The following FCHSD2 variants were observed in gnomAD, a reference collection of about 807,000 sequenced individuals.
FCHSD2 encodes F-BAR and double SH3 domains protein 2.
In FCHSD2, 38 loss-of-function variants were observed where a neutral mutation model predicts 108.1. The ratio of observed to expected loss-of-function variants is 0.35; its 90% CI spans 0.27 to 0.46. The LOEUF (loss-of-function observed/expected upper bound fraction) is 0.46, where lower values mean the gene tolerates loss of function less well. FCHSD2 is among the 20% of genes least tolerant of loss of function. The pLI, the probability that FCHSD2 is intolerant of heterozygous loss-of-function variation, is 1.00. For missense variants in FCHSD2, 751 were observed against 897.8 expected (o/e 0.84, Z 2.09); for synonymous variants, 279 against 314.7 (o/e 0.89, Z 1.20).
chr11:72,887,789 A>C (rs1301640862), intron 11 of FCHSD2, among the ~76,000 whole-genome samples: 1 of 152,194 alleles, frequency 6.6e-6, no homozygotes, highest in Non-Finnish European at 1.5e-5. Context: ...AGGACCAGCC[A>C]CTATCTGATT....
chr11:73,111,442 C>A, intron 2 of FCHSD2, among the ~76,000 whole-genome samples: 1 of 149,542 alleles, frequency 6.7e-6, no homozygotes, highest in East Asian at 1.9e-4. Context: ...CTTCCATTAG[C>A]ATGGAATATC....
At chr11:72,889,736 T>A (rs143461020) in intron 11 of FCHSD2, 93 bp downstream of exon 11, 1 of 715,366 alleles carries the variant, frequency 1.4e-6, no homozygotes, top group African/African-American at 1.8e-5. Flanking sequence ...ACAACACATA[T>A]AGGATATTTT....
intron 2 of FCHSD2, among the ~76,000 whole-genome samples, chr11:73,132,763 G>T (rs557141819): frequency 6.7e-6 from 1 of 148,286 alleles, no homozygotes; most frequent in South Asian, 2.2e-4. Context: ...GGTGGAGATT[G>T]CAGTGAGCCA....
At chr11:73,126,245 C>T (rs575035243) in intron 2 of FCHSD2, among the ~76,000 whole-genome samples, 1 of 143,780 alleles carries the variant, frequency 7.0e-6, no homozygotes, top group Non-Finnish European at 1.5e-5. Flanking sequence ...GAGGCTGAGG[C>T]AGGAGAATCG....
intron 8 of FCHSD2, among the ~76,000 whole-genome samples, chr11:72,950,006 C>T (rs1265053979): frequency 6.6e-6 from 1 of 151,624 alleles, no homozygotes. Context: ...TTTACATTCT[C>T]ACCCAATTTC....
At chr11:73,037,725 G>A (rs1425167232) in intron 3 of FCHSD2, among the ~76,000 whole-genome samples, 1 of 152,070 alleles carries the variant, frequency 6.6e-6, no homozygotes, top group Non-Finnish European at 1.5e-5. Context: ...TAACTTTTAT[G>A]CATACCTATC....
chr11:72,912,681 T>C (rs1855787615), intron 9 of FCHSD2, among the ~76,000 whole-genome samples: 1 of 152,166 alleles, frequency 6.6e-6, no homozygotes, highest in Non-Finnish European at 1.5e-5. Flanking sequence ...TTTTTTGGAA[T>C]TGGTTGAGTA....
At chr11:72,915,225 CA>C (rs750056774) in intron 9 of FCHSD2, among the ~76,000 whole-genome samples, 5 of 151,628 alleles carry the variant, frequency 3.3e-5, no homozygotes, top group Non-Finnish European at 5.9e-5. Flanking sequence ...GAATGGTTAT[CA>C]ATAAAAAATT....
intron 9 of FCHSD2, among the ~76,000 whole-genome samples, chr11:72,916,333 A>G (rs1187729193): frequency 7.1e-6 from 1 of 141,828 alleles, no homozygotes; most frequent in African/African-American, 2.7e-5. Context: ...TTAAAGAGAC[A>G]GGGTCTTGCT....
chr11:72,866,026 G>C (rs534922304), intron 13 of FCHSD2, among the ~76,000 whole-genome samples: 1 of 152,296 alleles, frequency 6.6e-6, no homozygotes, highest in Non-Finnish European at 1.5e-5. Flanking sequence ...TCAGTTCAAA[G>C]TCAGATGGTA....
intron 8 of FCHSD2, among the ~76,000 whole-genome samples, chr11:72,980,217 A>G (rs1478519351): frequency 6.6e-6 from 1 of 152,204 alleles, no homozygotes; most frequent in Non-Finnish European, 1.5e-5. Context: ...AGAGGGGGGA[A>G]AAGTTGAAAT....
intron 14 of FCHSD2, among the ~76,000 whole-genome samples, chr11:72,846,748 A>G (rs889496921): frequency 6.6e-6 from 1 of 152,164 alleles, no homozygotes; most frequent in African/African-American, 2.4e-5. Flanking sequence ...TTTTAAAACA[A>G]TATGTTTTTC....
At chr11:72,986,245 T>C (rs1186444423) in intron 6 of FCHSD2, among the ~76,000 whole-genome samples, 2 of 152,264 alleles carry the variant, frequency 1.3e-5, no homozygotes, top group African/African-American at 4.8e-5. Flanking sequence ...AGTCTCGCTC[T>C]GTTGCCCAGG....
At chr11:73,019,125 T>C (rs1858040644) in intron 3 of FCHSD2, among the ~76,000 whole-genome samples, 1 of 152,192 alleles carries the variant, frequency 6.6e-6, no homozygotes, top group Non-Finnish European at 1.5e-5. Flanking sequence ...ATAGTGACTT[T>C]TTCAGTTTAA....
intron 8 of FCHSD2, among the ~76,000 whole-genome samples, chr11:72,953,276 C>T (rs1371443030): frequency 1.3e-5 from 2 of 152,144 alleles, no homozygotes; most frequent in African/African-American, 4.8e-5. Flanking sequence ...CTCCAGAAAC[C>T]TACTGCTGGT....
intron 8 of FCHSD2, among the ~76,000 whole-genome samples, chr11:72,931,431 A>T (rs1385076455): frequency 1.3e-5 from 2 of 149,816 alleles, no homozygotes; most frequent in Admixed American, 1.3e-4. Context: ...TAAATAAAAT[A>T]AAAATTTTAA....
intron 1 of FCHSD2, among the ~76,000 whole-genome samples, chr11:73,140,749 C>T (rs973349405): frequency 1.3e-5 from 2 of 152,232 alleles, no homozygotes; most frequent in African/African-American, 4.8e-5. Flanking sequence ...CCCCGGGAAG[C>T]CGATCCCCGT....
At chr11:72,855,733 G>C (rs531550134) in intron 13 of FCHSD2, among the ~76,000 whole-genome samples, 2 of 152,248 alleles carry the variant, frequency 1.3e-5, no homozygotes, top group South Asian at 4.1e-4. Flanking sequence ...TAAAAAATGA[G>C]TTAGATCCAC....
chr11:72,922,968 C>T (rs971210241), intron 8 of FCHSD2, among the ~76,000 whole-genome samples: 11 of 152,186 alleles, frequency 7.2e-5, no homozygotes, highest in African/African-American at 2.7e-4. Flanking sequence ...CCCCCAGCCC[C>T]TGGCAACCAC....
Sources: gnomAD v4.1 joint callset for allele counts (sites outside exome capture counted in the v4.1 genomes callset) on GRCh38, gnomAD v4.1.1 for gene constraint, MANE v1.5 for transcripts, NCBI Gene and HGNC (gene_info 2026-07-23, HGNC 2026-07-21) for gene names.